The following PDE4D variants were observed in gnomAD, a reference collection of about 807,000 sequenced individuals.
The protein encoded by PDE4D is 3',5'-cyclic-AMP phosphodiesterase 4D.
Under a neutral mutation model 87.4 loss-of-function variants are expected in PDE4D, and 24 were observed. The observed-to-expected ratio is 0.27, with a 90% CI of 0.20 to 0.39. The LOEUF (loss-of-function observed/expected upper bound fraction) is 0.39, where lower values mean the gene tolerates loss of function less well. Ranked by LOEUF, PDE4D falls within the 10% of genes least tolerant of loss-of-function variation. The pLI is 1.00. For synonymous variants in PDE4D, 384 were observed against 383.2 expected (o/e 1.00, Z -0.02); for missense variants, 714 against 1,041.0 (o/e 0.69, Z 4.32).
At chr5:59,770,576 A>G (rs539966929) in intron 1 of PDE4D, among the ~76,000 whole-genome samples, 5 of 152,252 alleles carry the variant, frequency 3.3e-5, no homozygotes, top group East Asian at 1.9e-4. Flanking sequence ...ACATGTTTTT[A>G]GTTTTGTGCA....
chr5:59,526,338 GA>G (rs1813128631), intron 1 of PDE4D, among the ~76,000 whole-genome samples: 1 of 152,162 alleles, frequency 6.6e-6, no homozygotes. Flanking sequence ...ACAACTAAGG[GA>G]CCATGAAGGG....
chr5:60,405,751 T>C (rs1431886395), intron 1 of PDE4D, among the ~76,000 whole-genome samples: 5 of 152,250 alleles, frequency 3.3e-5, no homozygotes, highest in African/African-American at 1.2e-4. Flanking sequence ...AAGGTTATTA[T>C]AATATGTTAA....
chr5:60,514,999 A>G (rs1222829253), intron 1 of PDE4D, among the ~76,000 whole-genome samples: 1 of 152,144 alleles, frequency 6.6e-6, no homozygotes, highest in African/African-American at 2.4e-5. Context: ...GGATAGAAAA[A>G]TCAACTGTAT....
At chr5:59,808,351 C>T (rs767426761) in intron 1 of PDE4D, among the ~76,000 whole-genome samples, 1 of 152,086 alleles carries the variant, frequency 6.6e-6, no homozygotes, top group Non-Finnish European at 1.5e-5. Context: ...AATTTTTGAC[C>T]CAATATCTAT....
intron 1 of PDE4D, among the ~76,000 whole-genome samples, chr5:60,308,510 G>A (rs926430894): frequency 2.6e-5 from 4 of 152,080 alleles, no homozygotes; most frequent in African/African-American, 2.4e-5. Context: ...CAAATCTTTG[G>A]TAATTGGTGG....
intron 1 of PDE4D, among the ~76,000 whole-genome samples, chr5:59,580,086 C>A (rs919541523): frequency 1.3e-5 from 2 of 152,172 alleles, no homozygotes; most frequent in South Asian, 4.1e-4. Context: ...TGCTTATTTT[C>A]TCTGGTCTAC....
In PDE4D at chr5:60,414,312, A is replaced by T. The variant is rs369942676; in HGVS notation, c.-90+73630T>A. Among the ~76,000 whole-genome samples the T allele has an allele frequency of 1.4e-3, 212 of 152,342 alleles. 1 individual carries two copies. Among genetic ancestry groups the T allele is most frequent in the African/African-American group, 5.0e-3 (208 of 41,582 alleles). On this transcript the variant is annotated intron_variant, in intron 1 of 16. Coordinates refer to the PDE4D transcript ENST00000502484. ...AGAGAATGCAAATAATAGTCATAAAAACAAAAATTGATATTATTGAGTATT... is the reference window on the plus strand; with the variant it reads ...AGAGAATGCAAATAATAGTCATAAATACAAAAATTGATATTATTGAGTATT...
intron 3 of PDE4D, among the ~76,000 whole-genome samples, chr5:59,956,298 C>A (rs1240373089): frequency 2.6e-5 from 4 of 152,182 alleles, no homozygotes; most frequent in Non-Finnish European, 4.4e-5. Flanking sequence ...CCCCTTCCCC[C>A]TTGCAGTTCC....
At chr5:59,928,149 C>T (rs1008780162) in intron 3 of PDE4D, among the ~76,000 whole-genome samples, 2 of 152,102 alleles carry the variant, frequency 1.3e-5, no homozygotes, top group East Asian at 1.9e-4. Flanking sequence ...GTCTAGGCCC[C>T]GAGTTCACCC....
chr5:60,454,214 T>G (rs906103369), intron 1 of PDE4D, among the ~76,000 whole-genome samples: 1 of 152,112 alleles, frequency 6.6e-6, no homozygotes, highest in African/African-American at 2.4e-5. Context: ...TAAAAGATGG[T>G]TGGTTCCATT....
intron 1 of PDE4D, among the ~76,000 whole-genome samples, chr5:59,811,348 T>G (rs889528401): frequency 2.0e-5 from 3 of 152,232 alleles, no homozygotes; most frequent in Non-Finnish European, 4.4e-5. Flanking sequence ...TTCAATTGAT[T>G]TCGGAAAGAG....
intron 1 of PDE4D, among the ~76,000 whole-genome samples, chr5:60,254,511 T>A (rs1748834126): frequency 6.6e-6 from 1 of 151,900 alleles, no homozygotes; most frequent in Admixed American, 6.6e-5. Context: ...ATCCAATGTG[T>A]CTTCTGCTAA....
rs548080826 is a variant in PDE4D at position 59,691,674 on chromosome 5, C to T, written c.455+201494G>A. Among the ~76,000 whole-genome samples the T allele has an allele frequency of 8.0e-5, 12 of 150,148 alleles. No individual in the cohort carries two copies. The South Asian group carries it at 1.9e-3, about 24-fold the overall frequency. ...ACATGGCACATGTATACATATGTAA[C>T]GAACCTTCACGTTGTGCTCACGTAC... is the stretch of plus-strand genomic sequence containing the variant. On this transcript the variant is annotated intron_variant, in intron 1 of 14. Coordinates refer to ENST00000340635, the MANE Select transcript of PDE4D (RefSeq NM_001104631.2).
intron 5 of PDE4D, among the ~76,000 whole-genome samples, chr5:59,169,016 TTAATATTAGTATTAA>T (rs1782333040): frequency 6.6e-6 from 1 of 152,206 alleles, no homozygotes; most frequent in South Asian, 2.1e-4. Flanking sequence ...TTAACTTTTA[TTAATATTAGTATTAA>T]TAATATATCC....
chr5:59,034,118 G>T (rs931745104), intron 6 of PDE4D, among the ~76,000 whole-genome samples: 2 of 152,076 alleles, frequency 1.3e-5, no homozygotes, highest in Non-Finnish European at 1.5e-5. Context: ...GTGATTATAG[G>T]ATTCTCAATC....
At chr5:60,432,535 G>C (rs1181495596) in intron 1 of PDE4D, among the ~76,000 whole-genome samples, 1 of 152,102 alleles carries the variant, frequency 6.6e-6, no homozygotes, top group Non-Finnish European at 1.5e-5. Flanking sequence ...TGCTATTCCT[G>C]TCAAATGAAC....
At chr5:59,501,632 T>A (rs1377252724) in intron 1 of PDE4D, among the ~76,000 whole-genome samples, 1 of 152,086 alleles carries the variant, frequency 6.6e-6, no homozygotes, top group Non-Finnish European at 1.5e-5. Flanking sequence ...AGCAGTTGTG[T>A]ACAATAATAT....
intron 1 of PDE4D, among the ~76,000 whole-genome samples, chr5:60,465,063 C>T (rs533880567): frequency 2.2e-4 from 33 of 151,960 alleles, no homozygotes; most frequent in African/African-American, 6.5e-4. Flanking sequence ...GAGTTATAAT[C>T]GCACCACTGC....
intron 1 of PDE4D, among the ~76,000 whole-genome samples, chr5:59,289,261 C>T (rs1369335054): frequency 6.6e-6 from 1 of 151,906 alleles, no homozygotes; most frequent in Non-Finnish European, 1.5e-5. Context: ...TTTATGCAAT[C>T]AGTGTTAAGT....
Sources: allele counts gnomAD v4.1 joint callset (sites outside exome capture counted in the v4.1 genomes callset), GRCh38; gene constraint gnomAD v4.1.1; transcripts MANE v1.5; gene names NCBI Gene and HGNC (gene_info 2026-07-23, HGNC 2026-07-21).